Variants in GFRA2 observed in about 807,000 individuals in gnomAD.
GFRA2 encodes GDNF family receptor alpha-2.
A neutral mutation model predicts 48.3 loss-of-function variants in GFRA2; 17 were observed. The observed-to-expected ratio is 0.35, with a 90% confidence interval of 0.24 to 0.53. GFRA2 has a LOEUF of 0.53. Among genes scored for constraint, GFRA2 ranks in the 20% least tolerant of loss-of-function variants. GFRA2 has a pLI of 0.93. For missense variants in GFRA2, 660 were observed against 637.3 expected (o/e 1.04, Z -0.38); for synonymous variants, 305 against 257.2 (o/e 1.19, Z -1.78).
At chr8:21,703,278 G>C (rs1029038580) in intron 6 of GFRA2, among the ~76,000 whole-genome samples, 3 of 152,110 alleles carry the variant, frequency 2.0e-5, no homozygotes, top group African/African-American at 7.2e-5. Context: ...TGGGATGCAG[G>C]GGAGCCTAGG....
intron 7 of GFRA2, among the ~76,000 whole-genome samples, chr8:21,698,046 G>A (rs1187999212): frequency 6.6e-6 from 1 of 152,210 alleles, no homozygotes; most frequent in African/African-American, 2.4e-5. Flanking sequence ...CGAATACACA[G>A]AGGGGAGAGA....
At chr8:21,752,863 C>A (rs1156662268) in intron 3 of GFRA2, among the ~76,000 whole-genome samples, 1 of 152,142 alleles carries the variant, frequency 6.6e-6, no homozygotes, top group African/African-American at 2.4e-5. Context: ...ACTGCCAAAC[C>A]CTGGCAGCTC....
At chr8:21,720,470 G>A (rs1307272967) in intron 4 of GFRA2, among the ~76,000 whole-genome samples, 2 of 152,086 alleles carry the variant, frequency 1.3e-5, no homozygotes, top group Admixed American at 6.5e-5. Flanking sequence ...CTGTTATGAG[G>A]AGCCCTGTGT....
intron 4 of GFRA2, among the ~76,000 whole-genome samples, chr8:21,727,466 G>A (rs909708134): frequency 3.9e-5 from 6 of 152,158 alleles, no homozygotes; most frequent in African/African-American, 4.8e-5. Context: ...TCCTCCAAGC[G>A]CTCTGCCAGG....
rs535413037 is a variant in GFRA2 at position 21,704,976 on chromosome 8, A to G, written c.1045+9T>C. 1.2e-6 allele frequency: 2 copies of G among 1,606,580 alleles called. No homozygotes were observed. Among genetic ancestry groups the G allele is most frequent in the South Asian group, 2.2e-5 (2 of 89,446 alleles). On this transcript the variant is annotated intron_variant, in intron 6 of 8. Coordinates refer to ENST00000524240, the MANE Select transcript of GFRA2 (RefSeq NM_001495.5). ...GCTGCTGGGGTTGGGGAGAACATCC[A>G]GAACTTACGGAGGCATGGGTTCTCG...
rs557649420 is a variant in GFRA2 at position 21,715,794 on chromosome 8, C to A, written c.795-9753G>T. Among the ~76,000 whole-genome samples, 5 of 152,220 alleles carry A rather than the reference C, an allele frequency of 3.3e-5. No individual in the cohort carries two copies. The South Asian group carries it at 1.0e-3, about 32-fold the overall frequency. The stretch of plus-strand genomic sequence containing the variant: ...GGTTCTAAGATACAACAGATGTGAA[C>A]CACAATTCTAGCCTCATAATCCTAA... On this transcript the variant is annotated intron_variant, in intron 4 of 8. Transcript: ENST00000524240.
intron 4 of GFRA2, 79 bp from the exon 5 acceptor site, chr8:21,706,120 G>C: frequency 1.1e-6 from 1 of 898,836 alleles, no homozygotes; most frequent in South Asian, 1.5e-5. Flanking sequence ...CCTGCCAGTG[G>C]CATCTCCTCC....
chr8:21,747,066 C>A (rs2117576521), intron 4 of GFRA2, among the ~76,000 whole-genome samples: 1 of 152,280 alleles, frequency 6.6e-6, no homozygotes, highest in South Asian at 2.1e-4. Flanking sequence ...AGTCCTCCAG[C>A]TTTTGAGCGC....
At chr8:21,761,436 T>C (rs1805906488) in intron 3 of GFRA2, among the ~76,000 whole-genome samples, 1 of 152,190 alleles carries the variant, frequency 6.6e-6, no homozygotes, top group South Asian at 2.1e-4. Context: ...CAGCAGTGGC[T>C]TGTGGGGAAG....
intron 1 of GFRA2, among the ~76,000 whole-genome samples, chr8:21,809,838 T>C (rs993945151): frequency 2.6e-5 from 4 of 152,136 alleles, no homozygotes; most frequent in Admixed American, 2.0e-4. Context: ...GAGAGTTCTT[T>C]AGCTATAGAA....
chr8:21,695,268 T>A (rs1464006883), intron 7 of GFRA2, among the ~76,000 whole-genome samples: 1 of 152,124 alleles, frequency 6.6e-6, no homozygotes, highest in Non-Finnish European at 1.5e-5. Context: ...TCTGTTATCA[T>A]CACTGTAATG....
At chr8:21,787,615 G>A (rs1183218947) in intron 1 of GFRA2, among the ~76,000 whole-genome samples, 3 of 152,132 alleles carry the variant, frequency 2.0e-5, no homozygotes, top group Non-Finnish European at 4.4e-5. Context: ...AGCGCTCCCC[G>A]CGCGATGTCC....
intron 3 of GFRA2, among the ~76,000 whole-genome samples, chr8:21,770,262 C>T (rs912891132): frequency 1.3e-5 from 2 of 152,266 alleles, no homozygotes; most frequent in African/African-American, 4.8e-5. Flanking sequence ...CAGCCACAAC[C>T]TGCCATCGAA....
At position 21,750,088 on chromosome 8, in the gene GFRA2, T is replaced by TACACACACAC. The variant is rs531507245; in HGVS notation, c.794+490_794+499dup. On this transcript the variant is annotated intron_variant, in intron 4 of 8. Coordinates refer to ENST00000524240, the MANE Select transcript of GFRA2 (RefSeq NM_001495.5). This position sits in a 1 kb window ranked among gnomAD's most constrained non-coding sequence, Gnocchi z 5.7. ...GTGTATATATGTGTGTGTGTGTGTA[T>TACACACACAC]ACACACACACACACACACACACGCA... 1.3e-4 allele frequency among the ~76,000 whole-genome samples: 19 copies of TACACACACAC among 147,566 alleles called. No homozygotes were observed. Among genetic ancestry groups the TACACACACAC allele is most frequent in the African/African-American group, 4.0e-4 (16 of 40,272 alleles).
Position 21,798,128 on chromosome 8 carries a change from G to C in GFRA2, c.-36+6889C>G, listed in dbSNP as rs375330009. Among the ~76,000 whole-genome samples, 16 of 152,194 alleles carry C rather than the reference G, an allele frequency of 1.1e-4. 1 individual carries two copies. Among genetic ancestry groups the C allele is most frequent in the Non-Finnish European group, 2.2e-4 (15 of 68,026 alleles). ...CACTCCCCCAAGCAATGAAGCCCAG[G>C]ATTCTGCAGTCTTCCCTTGCCCTGG... On this transcript the variant is annotated intron_variant, in intron 2 of 10. Coordinates refer to the GFRA2 transcript ENST00000517328.
chr8:21,783,230 C>G (rs1807101582), intron 1 of GFRA2: 1 of 478,474 alleles, frequency 2.1e-6, no homozygotes, highest in Non-Finnish European at 4.0e-6. Flanking sequence ...ATGTCACAGC[C>G]TCAGCAGAGA....
Position 21,808,509 on chromosome 8 carries a change from T to A in GFRA2, c.-147-3381A>T, listed in dbSNP as rs1178080432. 3.9e-5 allele frequency among the ~76,000 whole-genome samples: 6 copies of A among 152,234 alleles called. No homozygotes were observed. The East Asian group carries it at 1.2e-3, about 29-fold the overall frequency. Reference sequence around the variant, plus strand: ...GTCAGAGTAAGCCTAGTATGTGCCTTTCACTTCCGTTAACCCTCCTTATGA... The same window carrying A: ...GTCAGAGTAAGCCTAGTATGTGCCTATCACTTCCGTTAACCCTCCTTATGA... On this transcript the variant is annotated intron_variant, in intron 1 of 10. Transcript: ENST00000517328.
chr8:21,756,896 G>A (rs569390462), intron 3 of GFRA2, among the ~76,000 whole-genome samples: 23 of 152,152 alleles, frequency 1.5e-4, no homozygotes, highest in Non-Finnish European at 2.2e-4. Flanking sequence ...AACTCAACAC[G>A]TGCTCCAGCG....
At chr8:21,774,635 A>T (rs1806604933) in intron 3 of GFRA2, among the ~76,000 whole-genome samples, 1 of 152,204 alleles carries the variant, frequency 6.6e-6, no homozygotes, top group Non-Finnish European at 1.5e-5. Context: ...AACTTGACAA[A>T]GTGGAAGAGC....
Sources: gnomAD v4.1 joint callset for allele counts (sites outside exome capture counted in the v4.1 genomes callset) on GRCh38, gnomAD v4.1.1 for gene constraint, Gnocchi (gnomAD v3.1) non-coding constraint, MANE v1.5 for transcripts, NCBI Gene and HGNC (gene_info 2026-07-23, HGNC 2026-07-21) for gene names.